Variants in CHCHD3 observed in about 807,000 individuals in gnomAD.
CHCHD3 encodes the protein coiled-coil-helix-coiled-coil-helix domain containing 3.
A neutral mutation model predicts 38.2 loss-of-function variants in CHCHD3; 20 were observed. That is an observed-to-expected ratio of 0.52 (90% CI 0.37 to 0.76). CHCHD3 has a LOEUF of 0.76. Among genes scored for constraint, CHCHD3 ranks in the 30% least tolerant of loss-of-function variants. The pLI is 0.00. For missense variants in CHCHD3, 245 were observed against 279.2 expected, an observed-to-expected ratio of 0.88 and a Z score of 0.87; for synonymous variants, 82 against 100.0, an observed-to-expected ratio of 0.82 and a Z score of 1.07.
chr7:132,821,780 G>C (rs796179156), intron 6 of CHCHD3, among the ~76,000 whole-genome samples: 5 of 132,570 alleles, frequency 3.8e-5, no homozygotes, highest in East Asian at 4.6e-4. Context: ...TTTTGAGACG[G>C]AGTCTCGCTC....
At chr7:132,796,706 A>C in intron 6 of CHCHD3, 129 bp from the exon 7 acceptor site, 1 of 794,396 alleles carries the variant, frequency 1.3e-6, no homozygotes, top group Non-Finnish European at 1.9e-6. Flanking sequence ...TAAGAGAAAG[A>C]ATTTTCCTTA....
chr7:132,799,378 G>C (rs1169813430), intron 6 of CHCHD3, among the ~76,000 whole-genome samples: 1 of 152,080 alleles, frequency 6.6e-6, no homozygotes. Context: ...TATGCATTAT[G>C]GTAAACCCTC....
At chr7:133,004,979 A>G (rs1044243641) in intron 3 of CHCHD3, among the ~76,000 whole-genome samples, 2 of 152,104 alleles carry the variant, frequency 1.3e-5, no homozygotes, top group Non-Finnish European at 2.9e-5. Context: ...TTAAAAATAC[A>G]TTATAAAAGT....
chr7:132,866,817 A>C (rs1808637515), intron 5 of CHCHD3, among the ~76,000 whole-genome samples: 1 of 152,216 alleles, frequency 6.6e-6, no homozygotes, highest in African/African-American at 2.4e-5. Context: ...CTTTCTGAAA[A>C]GATAGTGAAG....
At chr7:132,838,921 T>C (rs1292637394) in intron 5 of CHCHD3, among the ~76,000 whole-genome samples, 2 of 152,328 alleles carry the variant, frequency 1.3e-5, no homozygotes, top group African/African-American at 4.8e-5. Context: ...CAAGATGGTA[T>C]GGCTCATGCC....
chr7:132,831,602 C>T (rs1284155386), intron 6 of CHCHD3, among the ~76,000 whole-genome samples: 1 of 152,104 alleles, frequency 6.6e-6, no homozygotes, highest in Non-Finnish European at 1.5e-5. Context: ...AAGAGAAGCA[C>T]AGAACTTAAT....
At chr7:132,842,757 T>C (rs1807971696) in intron 5 of CHCHD3, among the ~76,000 whole-genome samples, 2 of 152,304 alleles carry the variant, frequency 1.3e-5, no homozygotes, top group African/African-American at 4.8e-5. Flanking sequence ...AGAAGCAATA[T>C]GCCTTTCTCC....
rs138917742 is a variant in CHCHD3 at position 132,908,397 on chromosome 7, T to A, written c.370-22652A>T. Among the ~76,000 whole-genome samples, 870 of 152,326 alleles carry A rather than the reference T, an allele frequency of 5.7e-3. 7 individuals are homozygous for A. The highest frequency in any genetic ancestry group is 0.02 in the African/African-American group (831 of 41,574). On this transcript the variant is annotated intron_variant, in intron 4 of 7. Coordinates refer to ENST00000262570, the MANE Select transcript of CHCHD3 (RefSeq NM_017812.4). ...TTAGAAAAATCATGCTGGCTCTAGA[T>A]ATAAATTTTTAAATGTCTTAATTTT...
chr7:132,959,971 G>A (rs1371390845), intron 4 of CHCHD3, among the ~76,000 whole-genome samples: 1 of 152,150 alleles, frequency 6.6e-6, no homozygotes, highest in South Asian at 2.1e-4. Flanking sequence ...AGTCAAAGCT[G>A]AGAACCAAGT....
intron 3 of CHCHD3, among the ~76,000 whole-genome samples, chr7:132,977,687 A>C (rs1465251514): frequency 6.6e-6 from 1 of 152,244 alleles, no homozygotes; most frequent in African/African-American, 2.4e-5. Flanking sequence ...TTATTAGTTC[A>C]TGAACATAAA....
intron 4 of CHCHD3, among the ~76,000 whole-genome samples, chr7:132,949,776 G>GA (rs1381066739): frequency 6.6e-6 from 1 of 151,790 alleles, no homozygotes; most frequent in Admixed American, 6.6e-5. Context: ...AAAAAATATA[G>GA]AAAAAAATAC....
At chr7:133,027,522 T>C (rs1196128969) in intron 2 of CHCHD3, among the ~76,000 whole-genome samples, 2 of 151,990 alleles carry the variant, frequency 1.3e-5, no homozygotes, top group African/African-American at 2.4e-5. Context: ...GGAAAAACTA[T>C]TTAATGTCTA....
chr7:132,814,967 C>T (rs1199163935), intron 6 of CHCHD3, among the ~76,000 whole-genome samples: 1 of 152,142 alleles, frequency 6.6e-6, no homozygotes, highest in African/African-American at 2.4e-5. Flanking sequence ...TTAAGTACTG[C>T]TCAGGATGAT....
At chr7:132,868,746 A>G (rs1212717655) in intron 5 of CHCHD3, among the ~76,000 whole-genome samples, 2 of 152,156 alleles carry the variant, frequency 1.3e-5, no homozygotes, top group African/African-American at 4.8e-5. Flanking sequence ...AATAGAATCC[A>G]AATGAAAAGC....
intron 5 of CHCHD3, among the ~76,000 whole-genome samples, chr7:132,840,536 C>T (rs1807914988): frequency 6.6e-6 from 1 of 152,170 alleles, no homozygotes; most frequent in Non-Finnish European, 1.5e-5. Flanking sequence ...TTAATCTCCC[C>T]CAGCTTCCCT....
At chr7:133,018,167 A>G (rs1033745587) in intron 3 of CHCHD3, among the ~76,000 whole-genome samples, 1 of 152,230 alleles carries the variant, frequency 6.6e-6, no homozygotes, top group African/African-American at 2.4e-5. Flanking sequence ...CTACAGAAGG[A>G]TCTCTTAAAT....
intron 7 of CHCHD3, among the ~76,000 whole-genome samples, chr7:132,786,327 A>G (rs951124658): frequency 2.6e-5 from 4 of 152,202 alleles, no homozygotes; most frequent in African/African-American, 9.7e-5. Flanking sequence ...TTCATTAGAG[A>G]AACACAAGAT....
At position 132,944,704 on chromosome 7, in the gene CHCHD3, A is replaced by G. The variant is rs111338433; in HGVS notation, c.369+30465T>C. ...ATACACTCCCCAGAAGTATATATGC[A>G]TGGTAAAAACAGGAATCAAACAGCA... On this transcript the variant is annotated intron_variant, in intron 4 of 7. Transcript: ENST00000262570. Among the ~76,000 whole-genome samples, 864 of 152,096 alleles carry G rather than the reference A, an allele frequency of 5.7e-3. 7 individuals carry two copies. Among genetic ancestry groups the G allele is most frequent in the African/African-American group, 0.02 (826 of 41,540 alleles).
chr7:132,866,633 T>A (rs1380857206), intron 5 of CHCHD3, among the ~76,000 whole-genome samples: 8 of 152,192 alleles, frequency 5.3e-5, no homozygotes, highest in Non-Finnish European at 1.2e-4. Flanking sequence ...CTGACCAGAT[T>A]CATAAGGCTT....
Sources: allele counts gnomAD v4.1 joint callset (sites outside exome capture counted in the v4.1 genomes callset), GRCh38; gene constraint gnomAD v4.1.1; transcripts MANE v1.5; gene names NCBI Gene and HGNC (gene_info 2026-07-23, HGNC 2026-07-21).